The following NUP93 variants were observed in gnomAD, a reference collection of about 807,000 sequenced individuals.
NUP93 encodes nucleoporin 93.
Under a neutral mutation model 107.8 loss-of-function variants are expected in NUP93, and 55 were observed. The observed-to-expected ratio is 0.51, with a 90% confidence interval of 0.41 to 0.64. The LOEUF (loss-of-function observed/expected upper bound fraction) is 0.64. NUP93 is among the 30% of genes least tolerant of loss of function. NUP93 has a pLI of 0.00. For missense variants in NUP93, 937 were observed against 1,044.7 expected (o/e 0.90, Z 1.42); for synonymous variants, 390 against 397.5 (o/e 0.98, Z 0.22).
chr16:56,827,128 T>G (rs373568699), intron 8 of NUP93, among the ~76,000 whole-genome samples: 6 of 152,124 alleles, frequency 3.9e-5, no homozygotes, highest in East Asian at 1.9e-4. Flanking sequence ...CTCTGTTGTT[T>G]TATTTAACCT....
chr16:56,831,090 G>A (rs943237608), intron 10 of NUP93, among the ~76,000 whole-genome samples: 1 of 152,216 alleles, frequency 6.6e-6, no homozygotes, highest in African/African-American at 2.4e-5. Flanking sequence ...GTACTTCGTA[G>A]CTTAAAGGCT....
At chr16:56,794,137 A>G (rs1962835647) in intron 3 of NUP93, among the ~76,000 whole-genome samples, 2 of 151,148 alleles carry the variant, frequency 1.3e-5, no homozygotes, top group African/African-American at 2.4e-5. Flanking sequence ...TAGATGTGTT[A>G]TTATTTTTAA....
intron 1 of NUP93, chr16:56,748,031 C>G: frequency 4.8e-6 from 2 of 419,954 alleles, no homozygotes; most frequent in Non-Finnish European, 8.7e-6. Flanking sequence ...CAGAAATGAT[C>G]TGTTTTTTCA....
intron 3 of NUP93, among the ~76,000 whole-genome samples, chr16:56,793,525 T>C (rs1447477665): frequency 2.0e-5 from 3 of 152,084 alleles, no homozygotes; most frequent in African/African-American, 7.2e-5. Context: ...AGAGAACTCA[T>C]TTTCTCATAA....
At chr16:56,745,149 C>CAG (rs1478765938) in intron 1 of NUP93, among the ~76,000 whole-genome samples, 2 of 152,092 alleles carry the variant, frequency 1.3e-5, no homozygotes, top group Non-Finnish European at 2.9e-5. Context: ...GCCTCAAAGG[C>CAG]AGAGTGACAG....
At chr16:56,732,919 CAT>C (rs374696336) in intron 1 of NUP93, among the ~76,000 whole-genome samples, 14 of 152,028 alleles carry the variant, frequency 9.2e-5, no homozygotes, top group African/African-American at 2.7e-4. Context: ...GAGAGGGAGA[CAT>C]ATGTGTGATG....
At chr16:56,783,475 T>C (rs2144523326) in intron 3 of NUP93, 2 of 985,388 alleles carry the variant, frequency 2.0e-6, no homozygotes, top group Non-Finnish European at 2.4e-6. Context: ...AATCGATTTC[T>C]GAGATGAGAC....
At chr16:56,740,418 T>C (rs1961709101) in intron 1 of NUP93, among the ~76,000 whole-genome samples, 2 of 150,144 alleles carry the variant, frequency 1.3e-5, no homozygotes, top group African/African-American at 2.5e-5. Context: ...TCCCCACATC[T>C]CAGAGGATGG....
At chr16:56,765,677 A>G (rs543986926) in intron 3 of NUP93, among the ~76,000 whole-genome samples, 11 of 152,314 alleles carry the variant, frequency 7.2e-5, no homozygotes, top group African/African-American at 2.6e-4. Flanking sequence ...TGGTGTCTAC[A>G]TCACACCTAC....
In NUP93 at chr16:56,841,726, G is replaced by A. The variant is rs1239777742; in HGVS notation, c.2242G>A (p.Val748Met). 9 of 1,614,032 alleles carry A rather than the reference G, an allele frequency of 5.6e-6. No individual in the cohort carries two copies. The highest frequency in any genetic ancestry group is 6.8e-6 in the Non-Finnish European group (8 of 1,180,014). ...GTAGATCAGGCACAACCTCTCAGAAGTGCTTCTTGCCACCATGAACATCTT... is the reference window on the plus strand; with the variant it reads ...GTAGATCAGGCACAACCTCTCAGAAATGCTTCTTGCCACCATGAACATCTT... Reference protein sequence around the residue: ...SDEIRHNLSEVLLATMNILFT... With the variant: ...SDEIRHNLSEMLLATMNILFT... Residue 748 changes from valine (V) to methionine (M), a missense_variant, in exon 21 of 22, where the codon GTG becomes ATG. Physicochemically the swap from Val to Met is conservative, Grantham distance 21. Transcript: ENST00000308159.
intron 3 of NUP93, among the ~76,000 whole-genome samples, chr16:56,762,666 G>A (rs1200171679): frequency 1.3e-5 from 2 of 152,154 alleles, no homozygotes; most frequent in Non-Finnish European, 1.5e-5. Context: ...TAGGGATGCT[G>A]TAACAAAGTA....
At chr16:56,804,641 G>T in intron 4 of NUP93, among the ~76,000 whole-genome samples, 1 of 152,158 alleles carries the variant, frequency 6.6e-6, no homozygotes, top group East Asian at 1.9e-4. Context: ...GGGCACGGTG[G>T]CTCACACCTG....
intron 6 of NUP93, among the ~76,000 whole-genome samples, chr16:56,819,084 A>G (rs902469177): frequency 1.3e-5 from 2 of 152,254 alleles, no homozygotes; most frequent in Non-Finnish European, 2.9e-5. Flanking sequence ...GGCTGTTGGT[A>G]TTAACAAATC....
chr16:56,828,210 A>T (rs77617605), intron 8 of NUP93, among the ~76,000 whole-genome samples: 4,241 of 137,362 alleles, frequency 0.031, 75 homozygotes, highest in South Asian at 0.072. Context: ...AAAAAAAAAA[A>T]AAAAGATCAT....
intron 1 of NUP93, among the ~76,000 whole-genome samples, chr16:56,732,269 CTGA>C (rs1202029985): frequency 1.3e-5 from 2 of 152,180 alleles, no homozygotes; most frequent in African/African-American, 2.4e-5. Flanking sequence ...GTTTTGTTCA[CTGA>C]TGTGTTCCTA....
intron 3 of NUP93, among the ~76,000 whole-genome samples, chr16:56,788,616 G>C (rs780087352): frequency 1.1e-4 from 16 of 152,322 alleles, no homozygotes; most frequent in Middle Eastern, 3.4e-3. Context: ...AGAGAGAGAA[G>C]TGCAAATAAC....
chr16:56,809,479 G>C (rs888695691), intron 5 of NUP93, among the ~76,000 whole-genome samples: 16 of 152,128 alleles, frequency 1.1e-4, no homozygotes, highest in Admixed American at 8.5e-4. Context: ...TATGGTGCTA[G>C]GTGTTTTCAG....
At chr16:56,755,724 A>T (rs1158259925) in intron 2 of NUP93, among the ~76,000 whole-genome samples, 2 of 151,990 alleles carry the variant, frequency 1.3e-5, no homozygotes, top group Admixed American at 6.6e-5. Flanking sequence ...AAAATACAAA[A>T]ATTAGCTGAG....
chr16:56,843,543 A>C (rs1964066679), intron 21 of NUP93, among the ~76,000 whole-genome samples: 1 of 152,204 alleles, frequency 6.6e-6, no homozygotes. Context: ...CCTTGGTTTC[A>C]TGGTTTAAAG....
Sources: gnomAD v4.1 joint callset for allele counts (sites outside exome capture counted in the v4.1 genomes callset) on GRCh38, gnomAD v4.1.1 for gene constraint, MANE v1.5 for transcripts, NCBI Gene and HGNC (gene_info 2026-07-23, HGNC 2026-07-21) for gene names.